The following GRID1 variants were observed in gnomAD, a reference collection of about 807,000 sequenced individuals.
GRID1 encodes the protein glutamate ionotropic receptor delta type subunit 1, also known as glutamate receptor ionotropic, delta-1.
GRID1 carries 28 observed loss-of-function variants against 98.0 expected under a neutral mutation model. The observed-to-expected ratio is 0.29, with a 90% CI of 0.21 to 0.39. The LOEUF is 0.39. GRID1 is among the 10% of genes least tolerant of loss of function. The pLI, the probability that GRID1 is intolerant of heterozygous loss-of-function variation, is 1.00. For missense variants in GRID1, 1,111 were observed against 1,340.5 expected, an observed-to-expected ratio of 0.83 and a Z score of 2.67; for synonymous variants, 553 against 538.5, an observed-to-expected ratio of 1.03 and a Z score of -0.37.
At chr10:86,123,669 T>C (rs949006513) in intron 4 of GRID1, among the ~76,000 whole-genome samples, 1 of 152,212 alleles carries the variant, frequency 6.6e-6, no homozygotes, top group Non-Finnish European at 1.5e-5. Flanking sequence ...CTGTTGCTTT[T>C]GCTGCTTCTC....
At chr10:85,903,080 A>G (rs1841412285) in intron 5 of GRID1, among the ~76,000 whole-genome samples, 1 of 152,086 alleles carries the variant, frequency 6.6e-6, no homozygotes, top group Non-Finnish European at 1.5e-5. Flanking sequence ...TATCCCCTAT[A>G]TGCAGATGGT....
At chr10:85,722,537 A>C (rs1023800688) in intron 12 of GRID1, among the ~76,000 whole-genome samples, 3 of 152,188 alleles carry the variant, frequency 2.0e-5, no homozygotes, top group Admixed American at 2.0e-4. Flanking sequence ...TGGTTTCAAT[A>C]ATTTTATAAT....
chr10:86,057,364 A>G (rs1227369550), intron 4 of GRID1, among the ~76,000 whole-genome samples: 2 of 152,214 alleles, frequency 1.3e-5, no homozygotes, highest in African/African-American at 4.8e-5. Flanking sequence ...CAGATGTGCC[A>G]GGTTCCCCAG....
chr10:86,308,345 C>T (rs577343764), intron 2 of GRID1, among the ~76,000 whole-genome samples: 14 of 152,352 alleles, frequency 9.2e-5, no homozygotes, highest in South Asian at 2.1e-4. Context: ...TGGTCCCAGC[C>T]CCAGAGCCAC....
At chr10:85,870,212 A>G (rs1801668308) in intron 5 of GRID1, among the ~76,000 whole-genome samples, 1 of 152,238 alleles carries the variant, frequency 6.6e-6, no homozygotes, top group Non-Finnish European at 1.5e-5. Flanking sequence ...GAAAGAGCAG[A>G]CTTGCTGAGT....
chr10:85,836,866 G>A (rs535187250), intron 8 of GRID1, among the ~76,000 whole-genome samples: 5 of 152,080 alleles, frequency 3.3e-5, no homozygotes, highest in East Asian at 1.9e-4. Context: ...TGCCCTGGTG[G>A]CACACACCAT....
At chr10:85,647,089 C>T (rs1171205906) in intron 13 of GRID1, 113 bp downstream of exon 13, 18 of 792,084 alleles carry the variant, frequency 2.3e-5, no homozygotes, top group Non-Finnish European at 3.4e-5. Flanking sequence ...GATCGCCTTG[C>T]AGGTAACAGG....
At chr10:86,102,638 C>A (rs1213019023) in intron 4 of GRID1, among the ~76,000 whole-genome samples, 1 of 152,256 alleles carries the variant, frequency 6.6e-6, no homozygotes, top group East Asian at 1.9e-4. Context: ...TGTGCCCAGT[C>A]CTGGAAAGGC....
chr10:85,865,922 T>TATATATATATATATATATAC (rs1843212381), intron 6 of GRID1, among the ~76,000 whole-genome samples: 1 of 111,628 alleles, frequency 9.0e-6, no homozygotes, highest in Non-Finnish European at 1.7e-5. Flanking sequence ...CATATATATA[T>TATATATATATATATATATAC]ATATATATAT....
intron 12 of GRID1, among the ~76,000 whole-genome samples, chr10:85,722,401 T>A (rs1841714122): frequency 6.6e-6 from 1 of 152,206 alleles, no homozygotes; most frequent in African/African-American, 2.4e-5. Flanking sequence ...TTTTTGTAAT[T>A]TACACTATTT....
intron 5 of GRID1, among the ~76,000 whole-genome samples, chr10:85,874,039 C>T (rs1212062648): frequency 6.6e-6 from 1 of 152,102 alleles, no homozygotes; most frequent in African/African-American, 2.4e-5. Context: ...TGTTGATTAC[C>T]ATTTGACTGT....
chr10:85,781,977 T>C (rs1842385665), intron 8 of GRID1, among the ~76,000 whole-genome samples: 1 of 152,228 alleles, frequency 6.6e-6, no homozygotes, highest in Non-Finnish European at 1.5e-5. Context: ...CTCAACAGTT[T>C]AACATTGGTT....
At chr10:86,322,718 AT>A (rs201134539) in intron 2 of GRID1, among the ~76,000 whole-genome samples, 111 of 150,030 alleles carry the variant, frequency 7.4e-4, no homozygotes, top group Admixed American at 9.3e-4. Context: ...GCCTTGAATT[AT>A]TTTTTTTTAA....
chr10:85,682,550 G>A (rs1016619919), intron 12 of GRID1, among the ~76,000 whole-genome samples: 2 of 152,232 alleles, frequency 1.3e-5, no homozygotes, highest in African/African-American at 2.4e-5. Context: ...CCAGCCAGCA[G>A]CACATCACTG....
intron 12 of GRID1, among the ~76,000 whole-genome samples, chr10:85,686,720 A>T (rs909032069): frequency 3.3e-5 from 5 of 152,062 alleles, no homozygotes; most frequent in African/African-American, 1.2e-4. Context: ...TAAAATATTT[A>T]AAATAATCCT....
intron 2 of GRID1, among the ~76,000 whole-genome samples, chr10:86,240,082 A>G (rs1276754825): frequency 6.6e-6 from 1 of 152,176 alleles, no homozygotes; most frequent in Non-Finnish European, 1.5e-5. Flanking sequence ...CTGCCAACAC[A>G]TTGATCTTAT....
At chr10:86,249,072 G>A (rs146651671) in intron 2 of GRID1, among the ~76,000 whole-genome samples, 21 of 152,274 alleles carry the variant, frequency 1.4e-4, no homozygotes, top group African/African-American at 4.8e-4. Flanking sequence ...ACTTAACTTT[G>A]GTGCAGGGCA....
At chr10:85,848,298 A>G (rs1007115992) in intron 8 of GRID1, among the ~76,000 whole-genome samples, 1 of 152,116 alleles carries the variant, frequency 6.6e-6, no homozygotes, top group African/African-American at 2.4e-5. Context: ...AAAATATAGT[A>G]TGGAAATAAA....
chr10:85,862,816 A>T (rs1379887214), intron 6 of GRID1, among the ~76,000 whole-genome samples: 2 of 152,228 alleles, frequency 1.3e-5, no homozygotes, highest in Non-Finnish European at 2.9e-5. Context: ...GCAGGAGCAA[A>T]GGCCACCAGT....
Sources: gnomAD v4.1 joint callset for allele counts (sites outside exome capture counted in the v4.1 genomes callset) on GRCh38, gnomAD v4.1.1 for gene constraint, MANE v1.5 for transcripts, NCBI Gene and HGNC (gene_info 2026-07-23, HGNC 2026-07-21) for gene names.